The following NOS1 variants were observed in gnomAD, a reference collection of about 807,000 sequenced individuals.
NOS1 encodes NOS type I.
Under a neutral mutation model 164.5 loss-of-function variants are expected in NOS1, and 51 were observed. The observed-to-expected ratio is 0.31, with a 90% confidence interval of 0.25 to 0.39. The LOEUF (loss-of-function observed/expected upper bound fraction) is 0.39, where lower values mean the gene tolerates loss of function less well. Among genes scored for constraint, NOS1 ranks in the 10% least tolerant of loss-of-function variants. The pLI, the probability that NOS1 is intolerant of heterozygous loss-of-function variation, is 1.00. For missense variants in NOS1, 1,362 were observed against 1,885.6 expected (o/e 0.72, Z 5.14); for synonymous variants, 719 against 745.8 (o/e 0.96, Z 0.59).
At chr12:117,327,353 T>A (rs1875304808) in intron 2 of NOS1, among the ~76,000 whole-genome samples, 1 of 152,212 alleles carries the variant, frequency 6.6e-6, no homozygotes, top group South Asian at 2.1e-4. Flanking sequence ...CAAAGCCTCC[T>A]GGCAAATAAG....
Position 117,217,039 on chromosome 12 carries a change from G to A in NOS1, c.4289+1007C>T, listed in dbSNP as rs9658549. ...ACTGGGGCGGGGAGCACTGGGAAGT[G>A]AAATTACGATCAAGGTTGCCATGCC... On this transcript the variant is annotated intron_variant, in intron 28 of 28. Transcript: ENST00000317775. 3.8e-3 allele frequency among the ~76,000 whole-genome samples: 579 copies of A among 152,256 alleles called. 5 individuals carry two copies. The highest frequency in any genetic ancestry group is 0.013 in the African/African-American group (549 of 41,538).
intron 2 of NOS1, among the ~76,000 whole-genome samples, chr12:117,326,651 A>G (rs183174473): frequency 4.7e-4 from 72 of 152,266 alleles, no homozygotes; most frequent in African/African-American, 1.7e-3. Flanking sequence ...GACTAGTGGG[A>G]GGGCCGCAAG....
intron 2 of NOS1, among the ~76,000 whole-genome samples, chr12:117,326,560 TAGA>T (rs1555260938): frequency 6.6e-6 from 1 of 152,232 alleles, no homozygotes; most frequent in Non-Finnish European, 1.5e-5. Flanking sequence ...CCACCTTCTC[TAGA>T]CCTTGTTTCT....
chr12:117,256,284 GT>G (rs57047376), intron 16 of NOS1, among the ~76,000 whole-genome samples: 31 of 118,408 alleles, frequency 2.6e-4, no homozygotes, highest in Admixed American at 4.0e-4. Context: ...GGGATTTTCT[GT>G]TTTTTTTTTT....
Position 117,335,729 on chromosome 12 carries a change from T to TGA in NOS1, c.-420-4242_-420-4241dup, listed in dbSNP as rs60613906. Among the ~76,000 whole-genome samples the TGA allele has an allele frequency of 8.5e-3, 955 of 112,532 alleles. 67 individuals carry two copies. The highest frequency in any genetic ancestry group is 0.034 in the South Asian group (103 of 3,012). 73.8% of individuals were successfully genotyped at this position (112,532 alleles called of 152,430 possible). A position where few individuals can be genotyped will look rare whatever the true frequency, so the allele number is the denominator to read the frequency against. Reference sequence around the variant, plus strand: ...TTTTATTTAATTGTTACAGACTATATGAGAGAGAGAGAGAGAGAGAGAGAG... The same window carrying TGA: ...TTTTATTTAATTGTTACAGACTATATGAGAGAGAGAGAGAGAGAGAGAGAGAG... On this transcript the variant is annotated intron_variant, in intron 1 of 28. Transcript: ENST00000317775.
In NOS1 at chr12:117,213,286, G is replaced by A; in HGVS notation, c.*2023C>T. 1 of 985,512 alleles carries A rather than the reference G, an allele frequency of 1.0e-6. No homozygotes were observed. The highest frequency in any genetic ancestry group is 5.2e-4 in the Middle Eastern group (1 of 1,914). The allele number at this position is 985,512 out of a possible 1,614,324, so 61.0% of individuals were successfully genotyped here. ...AAAGGATTGGAAAGAAAGCCTTTGG[G>A]AGGAAAGCTACTAGGAGCTGGAAAT... On this transcript the variant is annotated 3_prime_UTR_variant, in exon 29 of 29. Coordinates refer to ENST00000317775, the MANE Select transcript of NOS1 (RefSeq NM_000620.5).
At chr12:117,267,190 T>C (rs1872487247) in intron 11 of NOS1, among the ~76,000 whole-genome samples, 1 of 152,232 alleles carries the variant, frequency 6.6e-6, no homozygotes, top group Non-Finnish European at 1.5e-5. Flanking sequence ...GTCCCTATTA[T>C]AGAGAGCAAC....
chr12:117,232,364 G>A (rs550201967), intron 21 of NOS1, among the ~76,000 whole-genome samples: 19 of 152,216 alleles, frequency 1.2e-4, no homozygotes, highest in Admixed American at 9.8e-4. Context: ...AATACATGAA[G>A]AGAGGAGAAA....
At chr12:117,355,498 G>T (rs1457474055) in intron 1 of NOS1, among the ~76,000 whole-genome samples, 1 of 152,026 alleles carries the variant, frequency 6.6e-6, no homozygotes, top group Non-Finnish European at 1.5e-5. Context: ...AAACAATATT[G>T]AATGGTGAGG....
chr12:117,353,057 CACCT>C (rs752447346), intron 1 of NOS1, among the ~76,000 whole-genome samples: 354 of 151,996 alleles, frequency 2.3e-3, no homozygotes, highest in Non-Finnish European at 3.9e-3. Flanking sequence ...TCCATCCACC[CACCT>C]ACCTACCTAT....
intron 13 of NOS1, among the ~76,000 whole-genome samples, chr12:117,263,575 C>CTATTATTAT (rs71099036): frequency 6.3e-5 from 9 of 141,898 alleles, no homozygotes; most frequent in African/African-American, 1.6e-4. Context: ...CAAGGTATTA[C>CTATTATTAT]TATTATTATT....
intron 8 of NOS1, among the ~76,000 whole-genome samples, chr12:117,278,620 G>A (rs1305933283): frequency 6.6e-6 from 1 of 151,790 alleles, no homozygotes; most frequent in African/African-American, 2.4e-5. Context: ...TAGAGCAGCT[G>A]TCCAATAAAA....
At chr12:117,227,270 G>A (rs1026869245) in intron 23 of NOS1, among the ~76,000 whole-genome samples, 161 bp downstream of exon 23, 1 of 152,168 alleles carries the variant, frequency 6.6e-6, no homozygotes, top group African/African-American at 2.4e-5. Context: ...TGCACCAGGG[G>A]ACAGTTCACC....
At chr12:117,318,815 C>T (rs1001996739) in intron 2 of NOS1, among the ~76,000 whole-genome samples, 4 of 152,214 alleles carry the variant, frequency 2.6e-5, no homozygotes, top group Admixed American at 6.5e-5. Context: ...CTGGTGCTGG[C>T]AGGAGGCCCT....
chr12:117,329,045 T>C (rs950904308), intron 2 of NOS1, among the ~76,000 whole-genome samples: 1 of 152,200 alleles, frequency 6.6e-6, no homozygotes, highest in Non-Finnish European at 1.5e-5. Flanking sequence ...ACAGTAACAA[T>C]ACAGTTTTAT....
intron 16 of NOS1, among the ~76,000 whole-genome samples, chr12:117,257,257 A>T (rs1871536090): frequency 6.6e-6 from 1 of 150,966 alleles, no homozygotes; most frequent in South Asian, 2.1e-4. Flanking sequence ...CTAATTTTTA[A>T]TTTTTTTGTA....
chr12:117,327,643 C>T (rs1875319941), intron 2 of NOS1, among the ~76,000 whole-genome samples: 1 of 152,168 alleles, frequency 6.6e-6, no homozygotes, highest in South Asian at 2.1e-4. Flanking sequence ...TCCAATGCCA[C>T]AGAGTTCCCC....
At chr12:117,289,950 C>G (rs1442318562) in intron 4 of NOS1, among the ~76,000 whole-genome samples, 3 of 152,156 alleles carry the variant, frequency 2.0e-5, no homozygotes. Flanking sequence ...AGACTTTCCC[C>G]CCTCCCTGTG....
At chr12:117,327,917 T>C (rs1425759761) in intron 2 of NOS1, among the ~76,000 whole-genome samples, 1 of 152,144 alleles carries the variant, frequency 6.6e-6, no homozygotes, top group East Asian at 1.9e-4. Flanking sequence ...CTCACTGGAA[T>C]TGGCCCCATT....
Sources: allele counts gnomAD v4.1 joint callset (sites outside exome capture counted in the v4.1 genomes callset), GRCh38; gene constraint gnomAD v4.1.1; transcripts MANE v1.5; gene names NCBI Gene and HGNC (gene_info 2026-07-23, HGNC 2026-07-21).